The following KLF17 variants were observed in gnomAD, a reference collection of about 807,000 sequenced individuals.
KLF17 encodes the protein KLF transcription factor 17, also known as Krueppel-like factor 17.
Under a neutral mutation model 34.2 loss-of-function variants are expected in KLF17, and 31 were observed. That is an observed-to-expected ratio of 0.91 (90% CI 0.68 to 1.22). The LOEUF (loss-of-function observed/expected upper bound fraction) is 1.22. KLF17 is among the 50% of genes most tolerant of loss of function. KLF17 has a pLI of 0.00. For synonymous variants in KLF17, 179 were observed against 186.7 expected (o/e 0.96, Z 0.34); for missense variants, 478 against 505.2 (o/e 0.95, Z 0.52).
chr1:44,089,669 A>G, the KLF17 span, among the ~76,000 whole-genome samples: 1 of 152,220 alleles, frequency 6.6e-6, no homozygotes, highest in Non-Finnish European at 1.5e-5. Flanking sequence ...AAGAACCCGT[A>G]CAAATCACTA....
chr1:44,099,894 AAAG>A, the KLF17 span, among the ~76,000 whole-genome samples: 3 of 67,388 alleles, frequency 4.5e-5, no homozygotes, highest in South Asian at 5.5e-4. Context: ...AGAAAGAAAG[AAAG>A]AAAGAAAGAA....
intron 1 of KLF17, among the ~76,000 whole-genome samples, chr1:44,127,662 C>CA (rs1557731846): frequency 2.2e-5 from 1 of 44,928 alleles, no homozygotes; most frequent in Non-Finnish European, 4.6e-5. Flanking sequence ...TTCTTTCTTT[C>CA]TTTCTTTCTT....
intron 3 of KLF17, among the ~76,000 whole-genome samples, chr1:44,131,348 T>G (rs2088107468): frequency 6.6e-6 from 1 of 152,140 alleles, no homozygotes; most frequent in African/African-American, 2.4e-5. Context: ...TGCTCTTTAT[T>G]TCTTGTCGCT....
chr1:44,067,911 G>A, the KLF17 span, among the ~76,000 whole-genome samples: 6 of 152,102 alleles, frequency 3.9e-5, no homozygotes, highest in African/African-American at 9.7e-5. Context: ...GAGGGTCTGT[G>A]TTTCCTGTGT....
At chr1:44,114,453 G>C (rs149331615), upstream of KLF17, 1 of 152,276 alleles carries the variant, frequency 6.6e-6, no homozygotes, top group South Asian at 2.1e-4. Flanking sequence ...GAAATGGGAC[G>C]TCGGGGTGCA....
the KLF17 span, among the ~76,000 whole-genome samples, chr1:44,061,910 C>T: frequency 6.6e-6 from 1 of 151,974 alleles, no homozygotes; most frequent in Non-Finnish European, 1.5e-5. Flanking sequence ...AGAGCAAACT[C>T]TGTCTCAAAA....
chr1:44,070,914 T>G, the KLF17 span, among the ~76,000 whole-genome samples: 1 of 152,200 alleles, frequency 6.6e-6, no homozygotes, highest in South Asian at 2.1e-4. Context: ...ATTTTAACAT[T>G]TATATATTTT....
At chr1:44,103,741 C>T in the KLF17 span, 144 of 1,295,756 alleles carry the variant, frequency 1.1e-4, 1 homozygote, top group East Asian at 3.3e-3. Flanking sequence ...GCACCCTTAA[C>T]TGCCAGCTCC....
At chr1:44,125,688 G>A (rs2087999473) in intron 1 of KLF17, among the ~76,000 whole-genome samples, 1 of 152,100 alleles carries the variant, frequency 6.6e-6, no homozygotes, top group Non-Finnish European at 1.5e-5. Flanking sequence ...GGCTGGCCTT[G>A]AACTTCTGAC....
At chr1:44,049,638 A>G in the KLF17 span, among the ~76,000 whole-genome samples, 1 of 152,140 alleles carries the variant, frequency 6.6e-6, no homozygotes, top group Non-Finnish European at 1.5e-5. Flanking sequence ...ATGTGCCACC[A>G]TGCCTGGCTA....
chr1:44,118,322 C>A (rs553362296), upstream of KLF17, among the ~76,000 whole-genome samples: 19 of 152,314 alleles, frequency 1.2e-4, no homozygotes, highest in South Asian at 2.1e-4. Context: ...GTAAACACTG[C>A]GGAATAAACA....
chr1:44,058,439 C>A, the KLF17 span, among the ~76,000 whole-genome samples: 2 of 152,008 alleles, frequency 1.3e-5, no homozygotes, highest in Non-Finnish European at 1.5e-5. Flanking sequence ...TACAGGCAGG[C>A]ATCACCAAGC....
At position 44,134,602 on chromosome 1, in the gene KLF17, G is replaced by A. The variant is rs1421904232; in HGVS notation, c.*1365G>A. The stretch of plus-strand genomic sequence containing the variant: ...TGCCTCTGCCATTTCCTGGCTATGA[G>A]GTGTCTTGAGAAATTTACTTGTCAC... On this transcript the variant is annotated 3_prime_UTR_variant, in exon 4 of 4. Coordinates refer to ENST00000372299, the MANE Select transcript of KLF17 (RefSeq NM_173484.4). 6.6e-6 allele frequency: 1 copy of A among 152,212 alleles called. No individual in the cohort carries two copies. Among genetic ancestry groups the A allele is most frequent in the South Asian group, 2.1e-4 (1 of 4,830 alleles). The allele number at this position is 152,212 out of a possible 1,614,324, so 9.4% of individuals were successfully genotyped here.
the KLF17 span, chr1:44,103,764 G>T: frequency 8.9e-7 from 1 of 1,120,010 alleles, no homozygotes; most frequent in Non-Finnish European, 1.4e-6. Flanking sequence ...AGGCTGCTCG[G>T]CATCTGTGAT....
In KLF17 at chr1:44,135,029, A is replaced by T. The variant is rs2088152517; in HGVS notation, c.*1792A>T. On this transcript the variant is annotated 3_prime_UTR_variant, in exon 4 of 4. Coordinates refer to ENST00000372299, the MANE Select transcript of KLF17 (RefSeq NM_173484.4). ...CACTCATGTTAGGAAGGTCAAAAAA[A>T]AGGAAAAAAGAAAAATAATAAAAAA... The T allele has an allele frequency of 6.6e-6, 1 of 152,170 alleles. No individual in the cohort carries two copies. The highest frequency in any genetic ancestry group is 1.5e-5 in the Non-Finnish European group (1 of 68,036). 9.4% of individuals were successfully genotyped at this position (152,170 alleles called of 1,614,324 possible).
the KLF17 span, among the ~76,000 whole-genome samples, chr1:44,096,636 G>A: frequency 9.2e-5 from 14 of 152,082 alleles, no homozygotes; most frequent in African/African-American, 3.1e-4. Context: ...TCGTGACCTT[G>A]TGATCCGCTC....
the KLF17 span, among the ~76,000 whole-genome samples, chr1:44,081,743 A>G: frequency 1.3e-5 from 2 of 152,140 alleles, no homozygotes. Context: ...TCTTGTTTCC[A>G]TATGGGCACA....
chr1:44,073,080 G>A, the KLF17 span, among the ~76,000 whole-genome samples: 1 of 152,138 alleles, frequency 6.6e-6, no homozygotes, highest in Non-Finnish European at 1.5e-5. Context: ...AAGAGAGAAA[G>A]GACAGACAGG....
chr1:44,122,252 C>T, intron 1 of KLF17: 1 of 1,603,820 alleles, frequency 6.2e-7, no homozygotes, highest in South Asian at 1.1e-5. Context: ...TCTTAGATTT[C>T]ACCTTAGGTT....
Sources: gnomAD v4.1 joint callset for allele counts (sites outside exome capture counted in the v4.1 genomes callset) on GRCh38, gnomAD v4.1.1 for gene constraint, MANE v1.5 for transcripts, NCBI Gene and HGNC (gene_info 2026-07-23, HGNC 2026-07-21) for gene names.